Variants in REN observed in about 807,000 individuals in gnomAD.
The protein encoded by REN is angiotensin-forming enzyme.
In REN, 42 loss-of-function variants were observed where a neutral mutation model predicts 48.6. That is an observed-to-expected ratio of 0.86 (90% CI 0.68 to 1.12). The LOEUF (loss-of-function observed/expected upper bound fraction) is 1.12. Ranked by LOEUF, REN falls within the 50% of genes most tolerant of loss-of-function variation. REN has a pLI of 0.00. For synonymous variants in REN, 196 were observed against 204.6 expected, an observed-to-expected ratio of 0.96 and a Z score of 0.36; for missense variants, 443 against 527.3, an observed-to-expected ratio of 0.84 and a Z score of 1.57.
At chr1:204,160,228 A>G (rs574493864) in intron 4 of REN, among the ~76,000 whole-genome samples, 11 of 152,158 alleles carry the variant, frequency 7.2e-5, no homozygotes, top group Non-Finnish European at 1.5e-4. Context: ...CTGACCCTGG[A>G]TTTCAGTCTA....
chr1:204,161,640 T>C (rs761120898), intron 2 of REN, among the ~76,000 whole-genome samples: 33 of 151,652 alleles, frequency 2.2e-4, no homozygotes, highest in Non-Finnish European at 3.7e-4. Flanking sequence ...AATCAAAACA[T>C]TGAGAATGAA....
rs1403193461 is a variant in REN, at chr1:204,156,593, T to A, written c.818+84A>T. 1.3e-6 allele frequency: 2 copies of A among 1,563,106 alleles called. No homozygotes were observed. Among genetic ancestry groups the A allele is most frequent in the African/African-American group, 2.7e-5 (2 of 73,838 alleles). On this transcript the variant is annotated intron_variant, in intron 7 of 9. Coordinates refer to ENST00000272190, the MANE Select transcript of REN (RefSeq NM_000537.4). This position sits in a 1 kb window ranked among gnomAD's most constrained non-coding sequence, Gnocchi z 4.2. ...GGCTGCATTTGGAAAGAGGGCAGGATGGTAATGCAGTCCTTCCCCACCCTC... is the reference window on the plus strand; with the variant it reads ...GGCTGCATTTGGAAAGAGGGCAGGAAGGTAATGCAGTCCTTCCCCACCCTC...
At position 204,156,259 on chromosome 1, in the gene REN, G is replaced by T; in HGVS notation, c.879C>A (p.Thr293=). 1 of 1,614,192 alleles carries T rather than the reference G, an allele frequency of 6.2e-7. No individual in the cohort carries two copies. The highest frequency in any genetic ancestry group is 2.2e-5 in the East Asian group (1 of 44,884). Residue 293 remains threonine (T), a synonymous_variant, in exon 8 of 10, where the codon ACC becomes ACA. Coordinates refer to ENST00000272190, the MANE Select transcript of REN (RefSeq NM_000537.4). This position sits in a 1 kb window ranked among gnomAD's most constrained non-coding sequence, Gnocchi z 4.2. The part of the protein sequence containing the change: ...CEDGCLALVD[T]GASYISGSTS... ...TAGAACCTGAGATGTAGGATGCACC[G>T]GTGTCTACCAATGCCAGGCAGCCGT...
In REN at chr1:204,156,680, T is replaced by C. The variant is rs1658156569; in HGVS notation, c.815A>G (p.Lys272Arg). Residue 272 changes from lysine to arginine, a missense_variant, in exon 7 of 10, where the codon AAG becomes AGG. By Grantham distance (26) the Lys-to-Arg change is conservative. Transcript: ENST00000272190. This position sits in a 1 kb window ranked among gnomAD's most constrained non-coding sequence, Gnocchi z 4.2. ...IKTGVWQIQMKGVSVGSSTLL... is the reference protein window; with the variant it reads ...IKTGVWQIQMRGVSVGSSTLL... ...GGGAGGGTTGAGGATTTCTGACCCC[T>C]TCATTTGAATCTGCCAGACACCAGT... 1 of 1,555,850 alleles carries C rather than the reference T, an allele frequency of 6.4e-7. No individual in the cohort carries two copies. The highest frequency in any genetic ancestry group is 1.1e-5 in the South Asian group (1 of 90,224).
Position 204,160,827 on chromosome 1 carries a change from A to G in REN, c.374-149T>C, listed in dbSNP as rs1658234270. ...GGGGCTTGGAATATGTGCTTCATCAATCAAGGACTGGGTTTCTTGGGCTCT... is the reference window on the plus strand; with the variant it reads ...GGGGCTTGGAATATGTGCTTCATCAGTCAAGGACTGGGTTTCTTGGGCTCT... On this transcript the variant is annotated intron_variant, in intron 3 of 9. Transcript: ENST00000272190. 5.3e-6 allele frequency: 4 copies of G among 759,680 alleles called. 1 individual carries two copies. The East Asian group carries it at 7.3e-5, about 14-fold the overall frequency. The allele number at this position is 759,680 out of a possible 1,614,324, so 47.1% of individuals were successfully genotyped here. A position where few individuals can be genotyped will look rare whatever the true frequency, so the allele number is the denominator to read the frequency against.
chr1:204,159,280 T>C lies in REN; in HGVS notation c.689+119A>G, dbSNP rs144937210. The C allele has an allele frequency of 4.7e-6, 4 of 850,624 alleles. No individual in the cohort carries two copies. The East Asian group carries it at 1.0e-4, about 22-fold the overall frequency. 52.7% of individuals were successfully genotyped at this position (850,624 alleles called of 1,614,324 possible). A position where few individuals can be genotyped will look rare whatever the true frequency, so the allele number is the denominator to read the frequency against. The stretch of plus-strand genomic sequence containing the variant: ...ATATTGGCTAGTACAGCTCTAGATA[T>C]TGATTGGCTGTCACCTAATTACAAA... On this transcript the variant is annotated intron_variant, in intron 5 of 9. Coordinates refer to ENST00000272190, the MANE Select transcript of REN (RefSeq NM_000537.4).
At position 204,166,179 on chromosome 1, in the gene REN, C is replaced by T. The variant is rs772182898; in HGVS notation, c.98+17G>A. ...CTGCACCCCTCCCACCCCTTCTCTG[C>T]CTGAGTTACCAATTACCGTTTAAAG... On this transcript the variant is annotated intron_variant, in intron 1 of 9. Coordinates refer to ENST00000272190, the MANE Select transcript of REN (RefSeq NM_000537.4). The T allele has an allele frequency of 5.0e-6, 8 of 1,610,966 alleles. No individual in the cohort carries two copies. Among genetic ancestry groups the T allele is most frequent in the Middle Eastern group, 3.3e-4 (2 of 6,058 alleles).
At chr1:204,161,244 A>G (rs369244782) in intron 3 of REN, 48 bp downstream of exon 3, 1 of 1,550,058 alleles carries the variant, frequency 6.5e-7, no homozygotes, top group Non-Finnish European at 8.7e-7. Flanking sequence ...GCTCATGCAC[A>G]GTAGGGCAGG....
chr1:204,162,853 G>T (rs1380613609), intron 1 of REN, among the ~76,000 whole-genome samples: 5 of 152,206 alleles, frequency 3.3e-5, no homozygotes, highest in Admixed American at 1.3e-4. Context: ...TTGGCTTCTT[G>T]TCTAGATGTT....
At chr1:204,164,997 G>A (rs11240686) in intron 1 of REN, among the ~76,000 whole-genome samples, 29,563 of 150,438 alleles carry the variant, frequency 0.2, 3,140 homozygotes, top group East Asian at 0.43. Flanking sequence ...TTTAGACTGA[G>A]TTTTGCTCTT....
chr1:204,156,367 G>A lies in REN; in HGVS notation c.819-48C>T, dbSNP rs765404549. On this transcript the variant is annotated intron_variant, in intron 7 of 9. Transcript: ENST00000272190. The surrounding 1 kb of genome is among the most constrained non-coding windows in gnomAD (Gnocchi z 4.2). ...AGACAGACAGACAGACAGACAGAAGGCTGATGGGGCACCTCCAGGCTGCAT... is the reference window on the plus strand; with the variant it reads ...AGACAGACAGACAGACAGACAGAAGACTGATGGGGCACCTCCAGGCTGCAT... 9.9e-6 allele frequency: 16 copies of A among 1,608,756 alleles called. No homozygotes were observed. The highest frequency in any genetic ancestry group is 8.4e-5 in the Admixed American group (5 of 59,712).
intron 1 of REN, among the ~76,000 whole-genome samples, chr1:204,164,035 C>T (rs897412639): frequency 6.6e-6 from 1 of 152,226 alleles, no homozygotes; most frequent in Non-Finnish European, 1.5e-5. Flanking sequence ...GCATGATGCT[C>T]TGCACATAGC....
chr1:204,165,946 A>G (rs1394656249), intron 1 of REN, among the ~76,000 whole-genome samples: 1 of 152,110 alleles, frequency 6.6e-6, no homozygotes, highest in Non-Finnish European at 1.5e-5. Flanking sequence ...GGCATGTCCT[A>G]ATACTTCTGA....
Position 204,154,942 on chromosome 1 carries a change from A to C in REN, c.*74T>G. 6.4e-7 allele frequency: 1 copy of C among 1,556,684 alleles called. No individual in the cohort carries two copies. On this transcript the variant is annotated 3_prime_UTR_variant, in exon 10 of 10. Coordinates refer to ENST00000272190, the MANE Select transcript of REN (RefSeq NM_000537.4). ...TCCATCTGAGGGCATAAGCCCAGGC[A>C]GAGGGGCATCTCAGAGAGTGTTCCA...
Position 204,159,218 on chromosome 1 carries a change from CTG to C in REN, c.689+179_689+180del, listed in dbSNP as rs369731777. On this transcript the variant is annotated intron_variant, in intron 5 of 9. Transcript: ENST00000272190. ...AGTTGAATGCTTAATTGATGCTTAA[CTG>C]TATTTAATTAATTTAAATTTCAATA... 8.2e-4 allele frequency: 570 copies of C among 692,870 alleles called. 3 individuals carry two copies. The African/African-American group carries it at 9.3e-3, about 11-fold the overall frequency. 42.9% of individuals were successfully genotyped at this position (692,870 alleles called of 1,614,324 possible).
chr1:204,161,849 C>A (rs1358456411), intron 2 of REN, among the ~76,000 whole-genome samples, 164 bp downstream of exon 2: 1 of 152,154 alleles, frequency 6.6e-6, no homozygotes, highest in African/African-American at 2.4e-5. Context: ...CTTCTGTGCT[C>A]AGGCTTTCCA....
intron 5 of REN, among the ~76,000 whole-genome samples, chr1:204,158,517 T>C (rs570793146): frequency 5.3e-5 from 8 of 150,706 alleles, no homozygotes; most frequent in South Asian, 2.1e-4. Flanking sequence ...CCTGGGCTCA[T>C]GCGATCCTCT....
At position 204,154,974 on chromosome 1, in the gene REN, G is replaced by C; in HGVS notation, c.*42C>G. 2 of 1,609,516 alleles carry C rather than the reference G, an allele frequency of 1.2e-6. No homozygotes were observed. The highest frequency in any genetic ancestry group is 2.2e-5 in the East Asian group (1 of 44,868). On this transcript the variant is annotated 3_prime_UTR_variant, in exon 10 of 10. Coordinates refer to ENST00000272190, the MANE Select transcript of REN (RefSeq NM_000537.4). ...CATCTCAGAGAGTGTTCCAGCTCTG[G>C]GCCAGGGCTGAAGGCAGGGCCTGCC...
Position 204,156,416 on chromosome 1 carries a change from G to T in REN, c.819-97C>A. The T allele has an allele frequency of 6.7e-7, 1 of 1,502,640 alleles. No individual in the cohort carries two copies. Among genetic ancestry groups the T allele is most frequent in the Non-Finnish European group, 9.1e-7 (1 of 1,100,754 alleles). 93.1% of individuals were successfully genotyped at this position (1,502,640 alleles called of 1,614,324 possible). On this transcript the variant is annotated intron_variant, in intron 7 of 9. Coordinates refer to ENST00000272190, the MANE Select transcript of REN (RefSeq NM_000537.4). This position sits in a 1 kb window ranked among gnomAD's most constrained non-coding sequence, Gnocchi z 4.2. ...ATGTCCTTCCTGAGTGTGGGTGGGT[G>T]GGTGGAGGCCACGCTGGTGGCCTGT...
Sources: gnomAD v4.1 joint callset for allele counts (sites outside exome capture counted in the v4.1 genomes callset) on GRCh38, gnomAD v4.1.1 for gene constraint, Gnocchi (gnomAD v3.1) non-coding constraint, MANE v1.5 for transcripts, NCBI Gene and HGNC (gene_info 2026-07-23, HGNC 2026-07-21) for gene names.